The following CACNA1S variants were observed in gnomAD, a reference collection of about 807,000 sequenced individuals.
CACNA1S encodes the protein voltage-dependent L-type calcium channel subunit alpha-1S.
Under a neutral mutation model 207.4 loss-of-function variants are expected in CACNA1S, and 126 were observed. That is an observed-to-expected ratio of 0.61 (90% confidence interval 0.53 to 0.70). The LOEUF (loss-of-function observed/expected upper bound fraction) is 0.70, where lower values mean the gene tolerates loss of function less well. CACNA1S is among the 30% of genes least tolerant of loss of function. CACNA1S has a pLI of 0.00. For synonymous variants in CACNA1S, 960 were observed against 932.7 expected (o/e 1.03, Z -0.53); for missense variants, 2,349 against 2,422.8 (o/e 0.97, Z 0.64).
chr1:201,083,931 TC>T (rs1161398593), intron 9 of CACNA1S, among the ~76,000 whole-genome samples: 1 of 152,128 alleles, frequency 6.6e-6, no homozygotes, highest in Non-Finnish European at 1.5e-5. Flanking sequence ...TTTCTAGAGT[TC>T]CTTTGGCAGA....
chr1:201,055,737 A>G (rs1660817601), intron 28 of CACNA1S, among the ~76,000 whole-genome samples: 2 of 152,192 alleles, frequency 1.3e-5, no homozygotes, highest in African/African-American at 2.4e-5. Flanking sequence ...TACATCAGGT[A>G]TGTAAATCAA....
At position 201,044,506 on chromosome 1, in the gene CACNA1S, C is replaced by T. The variant is rs560545853; in HGVS notation, c.4669-50G>A. ...TATCTCTCCAGCCCAGGAGAGGAGA[C>T]CAGAACCACTTTTTCTTTTTTTGAG... is the stretch of plus-strand genomic sequence containing the variant. On this transcript the variant is annotated intron_variant, in intron 38 of 43. Coordinates refer to ENST00000362061, the MANE Select transcript of CACNA1S (RefSeq NM_000069.3). The T allele has an allele frequency of 2.1e-4, 332 of 1,600,060 alleles. 6 individuals are homozygous for T. The South Asian group carries it at 3.4e-3, about 17-fold the overall frequency.
chr1:201,082,088 G>T (rs536238665), intron 10 of CACNA1S, among the ~76,000 whole-genome samples: 3 of 149,752 alleles, frequency 2.0e-5, no homozygotes, highest in Admixed American at 1.3e-4. Flanking sequence ...GAGTGCAGTG[G>T]TGCAATCTCG....
chr1:201,085,068 G>A (rs563827077), intron 8 of CACNA1S, 37 bp from the exon 9 acceptor site: 41 of 1,495,618 alleles, frequency 2.7e-5, no homozygotes, highest in Non-Finnish European at 3.1e-5. Context: ...CAGCCTTCGG[G>A]GCCCCTCTGG....
In CACNA1S at chr1:201,043,470, G is replaced by C; in HGVS notation, c.4859C>G (p.Pro1620Arg). 6.2e-7 allele frequency: 1 copy of C among 1,614,006 alleles called. No individual in the cohort carries two copies. The highest frequency in any genetic ancestry group is 8.5e-7 in the Non-Finnish European group (1 of 1,179,988). The change falls in exon 40 of 44, where the codon CCC becomes CGC. Residue 1620 changes from proline to arginine, a missense_variant. Transcript: ENST00000362061. ...GAGGGGTCTCTGATTGGCCATGACG[G>C]GGGGCAGGGAGTTGGTCCTTTCCAG... is the stretch of plus-strand genomic sequence containing the variant. ...NFLERTNSLP[P>R]VMANQRPLQF...
chr1:201,092,217 A>C lies in CACNA1S; in HGVS notation c.399-103T>G. The stretch of plus-strand genomic sequence containing the variant: ...TGTCCATGCTTGAGCACCTGTGGAA[A>C]GGCCTAGGGGAGAGACGGCAAATAC... On this transcript the variant is annotated intron_variant, in intron 3 of 43. Transcript: ENST00000362061. 5.3e-6 allele frequency: 7 copies of C among 1,331,060 alleles called. No homozygotes were observed. In the South Asian group the frequency reaches 8.3e-5, roughly 16 times the overall value. The allele number at this position is 1,331,060 out of a possible 1,614,324, so 82.5% of individuals were successfully genotyped here. A position where few individuals can be genotyped will look rare whatever the true frequency, so the allele number is the denominator to read the frequency against.
At chr1:201,069,060 CCT>C (rs1195990366) in intron 19 of CACNA1S, 75 bp downstream of exon 19, 8 of 1,295,586 alleles carry the variant, frequency 6.2e-6, no homozygotes, top group Admixed American at 1.7e-5. Context: ...CTCTCCAGCC[CCT>C]GAGTTCAGTG....
At chr1:201,089,552 T>C (rs1662157119) in intron 5 of CACNA1S, 89 bp from the exon 6 acceptor site, 3 of 1,299,020 alleles carry the variant, frequency 2.3e-6, no homozygotes, top group Admixed American at 1.9e-5. Flanking sequence ...TTTAAGAGAA[T>C]TGAGCAGTAA....
intron 10 of CACNA1S, among the ~76,000 whole-genome samples, chr1:201,080,709 C>T (rs1661811929): frequency 6.6e-6 from 1 of 151,458 alleles, no homozygotes; most frequent in East Asian, 1.9e-4. Context: ...CTCAGGGTGG[C>T]TCTGTTCCTT....
chr1:201,044,185 G>C, intron 39 of CACNA1S, 143 bp downstream of exon 39: 1 of 883,398 alleles, frequency 1.1e-6, no homozygotes. Flanking sequence ...AGGAGAGGTG[G>C]GTGGTGAAGT....
At chr1:201,040,550 G>T (rs1243806021) in intron 42 of CACNA1S, 72 bp downstream of exon 42, 18 of 1,485,614 alleles carry the variant, frequency 1.2e-5, no homozygotes, top group Non-Finnish European at 1.6e-5. Flanking sequence ...CCCCTGCCAT[G>T]ATCCCACTCC....
chr1:201,075,688 C>T (rs532023770), intron 12 of CACNA1S, 73 bp from the exon 13 acceptor site: 70 of 1,515,736 alleles, frequency 4.6e-5, no homozygotes, highest in Admixed American at 1.0e-4. Context: ...CCGCATTGAC[C>T]GAAGTTCTCC....
In CACNA1S at chr1:201,056,070, G is replaced by C. The variant is rs200384829; in HGVS notation, c.3610-1509C>G. The stretch of plus-strand genomic sequence containing the variant: ...ACACACACAGACAGACAGACAGACA[G>C]ACACACACACACACACACACACACA... On this transcript the variant is annotated intron_variant, in intron 28 of 43. Transcript: ENST00000362061. 8.8e-3 allele frequency among the ~76,000 whole-genome samples: 833 copies of C among 94,838 alleles called. 5 individuals are homozygous for C. The highest frequency in any genetic ancestry group is 0.017 in the East Asian group (56 of 3,308). 62.2% of individuals were successfully genotyped at this position (94,838 alleles called of 152,430 possible).
At chr1:201,047,411 G>C in intron 37 of CACNA1S, 114 bp downstream of exon 37, 1 of 1,230,448 alleles carries the variant, frequency 8.1e-7, no homozygotes, top group Non-Finnish European at 1.2e-6. Flanking sequence ...ATCTACCTAA[G>C]GCATTTATGG....
intron 2 of CACNA1S, among the ~76,000 whole-genome samples, chr1:201,109,204 G>A (rs561667758): frequency 6.8e-6 from 1 of 146,324 alleles, no homozygotes; most frequent in Non-Finnish European, 1.5e-5. Flanking sequence ...GCCGAGAGCC[G>A]AGATCACACA....
chr1:201,065,791 A>T, intron 22 of CACNA1S, 47 bp downstream of exon 22: 3 of 1,320,776 alleles, frequency 2.3e-6, no homozygotes, highest in Non-Finnish European at 3.3e-6. Context: ...AGTGGGCACC[A>T]GGGCTGGGAG....
intron 19 of CACNA1S, among the ~76,000 whole-genome samples, chr1:201,068,619 T>A (rs1258616424): frequency 6.8e-6 from 1 of 147,430 alleles, no homozygotes; most frequent in Non-Finnish European, 1.5e-5. Context: ...ATGCCTGTAA[T>A]CCCAGCACTT....
chr1:201,044,299 C>T (rs1660396431), intron 39 of CACNA1S, 29 bp downstream of exon 39: 2 of 1,612,072 alleles, frequency 1.2e-6, no homozygotes, highest in African/African-American at 1.3e-5. Flanking sequence ...GTGTCTAGAC[C>T]ACTAGGGGTG....
At chr1:201,054,269 A>G (rs1473899866) in intron 29 of CACNA1S, among the ~76,000 whole-genome samples, 1 of 152,190 alleles carries the variant, frequency 6.6e-6, no homozygotes, top group Admixed American at 6.5e-5. Flanking sequence ...GGTGCCAGAG[A>G]GAACCCGCAC....
Sources: allele counts gnomAD v4.1 joint callset (sites outside exome capture counted in the v4.1 genomes callset), GRCh38; gene constraint gnomAD v4.1.1; transcripts MANE v1.5; gene names NCBI Gene and HGNC (gene_info 2026-07-23, HGNC 2026-07-21).